KIAA2012: variants seen among roughly 807,000 people sequenced by gnomAD.
KIAA2012 encodes the protein uncharacterized protein KIAA2012.
Under a neutral mutation model 150.6 loss-of-function variants are expected in KIAA2012, and 125 were observed. That is an observed-to-expected ratio of 0.83 (90% CI 0.72 to 0.96). The LOEUF (loss-of-function observed/expected upper bound fraction) is 0.96, where lower values mean the gene tolerates loss of function less well. KIAA2012 is among the 40% of genes least tolerant of loss of function. The probability of loss-of-function intolerance (pLI) is 0.00; values close to 1 mark genes in which losing one functional copy is unlikely to be tolerated. For missense variants in KIAA2012, 1,219 were observed against 1,354.9 expected, an observed-to-expected ratio of 0.90 and a Z score of 1.57; for synonymous variants, 462 against 504.7, an observed-to-expected ratio of 0.92 and a Z score of 1.13.
At chr2:202,128,101 C>G (rs1454242445) in intron 12 of KIAA2012, among the ~76,000 whole-genome samples, 1 of 152,012 alleles carries the variant, frequency 6.6e-6, no homozygotes, top group Non-Finnish European at 1.5e-5. Flanking sequence ...AAAGGTTTTT[C>G]CACTTTCCCC....
intron 2 of KIAA2012, among the ~76,000 whole-genome samples, chr2:202,080,552 C>T (rs1689425862): frequency 6.6e-6 from 1 of 151,910 alleles, no homozygotes. Flanking sequence ...AAAAATTAGC[C>T]AGGCGTGGTG....
chr2:202,100,593 G>C, intron 7 of KIAA2012, 144 bp downstream of exon 7: 1 of 919,992 alleles, frequency 1.1e-6, no homozygotes, highest in Non-Finnish European at 1.6e-6. Context: ...CTGACCAGGT[G>C]GAGCTGAATA....
Position 202,162,630 on chromosome 2 carries a change from A to G in KIAA2012, c.2047-2654A>G, listed in dbSNP as rs566302149. 2.0e-5 allele frequency among the ~76,000 whole-genome samples: 3 copies of G among 147,176 alleles called. No homozygotes were observed. The East Asian group carries it at 6.1e-4, about 30-fold the overall frequency. ...TACTACATCTTGCAGTTCTACGTTA[A>G]TTCATAAAGAGATGCTTGTAGGCCA... On this transcript the variant is annotated intron_variant, in intron 14 of 23. Coordinates refer to ENST00000498697, the MANE Select transcript of KIAA2012 (RefSeq NM_001277372.4).
intron 2 of KIAA2012, among the ~76,000 whole-genome samples, chr2:202,075,670 A>G (rs1689309702): frequency 6.6e-6 from 1 of 152,212 alleles, no homozygotes; most frequent in Non-Finnish European, 1.5e-5. Flanking sequence ...ATATTAAGGG[A>G]AAACACCTGT....
intron 15 of KIAA2012, among the ~76,000 whole-genome samples, chr2:202,168,898 T>C (rs1232813903): frequency 6.6e-6 from 1 of 152,174 alleles, no homozygotes; most frequent in East Asian, 1.9e-4. Context: ...ATTTCCATCA[T>C]TTCTGTTCTG....
intron 16 of KIAA2012, 131 bp from the exon 17 acceptor site, chr2:202,186,802 G>A: frequency 1.3e-6 from 1 of 786,764 alleles, no homozygotes; most frequent in Non-Finnish European, 1.9e-6. Context: ...AAGAAAAAGA[G>A]TTGACTAAGT....
At position 202,122,498 on chromosome 2, in the gene KIAA2012, CTT is replaced by C. The variant is rs368758133; in HGVS notation, c.1763-2699_1763-2698del. Reference sequence around the variant, plus strand: ...CTCCAATCTTCTACTCAAATCCGCTCTTTTTTTTTTTTTTTTTTGGAGACTGA... The same window carrying C: ...CTCCAATCTTCTACTCAAATCCGCTCTTTTTTTTTTTTTTTTGGAGACTGA... On this transcript the variant is annotated intron_variant, in intron 11 of 23. Transcript: ENST00000498697. Among the ~76,000 whole-genome samples the C allele has an allele frequency of 4.3e-3, 514 of 119,124 alleles. 5 individuals carry two copies. The highest frequency in any genetic ancestry group is 0.014 in the African/African-American group (389 of 27,726). The allele number at this position is 119,124 out of a possible 152,430, so 78.1% of individuals were successfully genotyped here.
chr2:202,187,058 C>A lies in KIAA2012; in HGVS notation c.2336C>A (p.Pro779Gln). 6.4e-7 allele frequency: 1 copy of A among 1,550,546 alleles called. No homozygotes were observed. The highest frequency in any genetic ancestry group is 8.7e-7 in the Non-Finnish European group (1 of 1,146,992). The change falls in exon 17 of 24, where the codon CCA (proline) becomes CAA (glutamine). Residue 779 changes from proline to glutamine, a missense_variant. Pro to Gln is a moderately conservative substitution (Grantham distance 76). Coordinates refer to ENST00000498697, the MANE Select transcript of KIAA2012 (RefSeq NM_001277372.4). ...LPREREGKAEPRLFSQETSAN... is the reference protein window; with the variant it reads ...LPREREGKAEQRLFSQETSAN... ...AGAGAAAGAGAAGGGAAGGCTGAAC[C>A]AAGACTGTTTAGCCAGGAGACATCA...
chr2:202,165,853 T>C (rs1007142890), intron 15 of KIAA2012, among the ~76,000 whole-genome samples: 1 of 152,256 alleles, frequency 6.6e-6, no homozygotes, highest in African/African-American at 2.4e-5. Context: ...ATACTAATTT[T>C]ACAAGAGCTT....
At chr2:202,160,298 G>A (rs1691621334) in intron 14 of KIAA2012, among the ~76,000 whole-genome samples, 1 of 146,760 alleles carries the variant, frequency 6.8e-6, no homozygotes, top group Non-Finnish European at 1.5e-5. Context: ...GATACTTTAT[G>A]ATTTTTCATA....
intron 14 of KIAA2012, 105 bp from the exon 15 acceptor site, chr2:202,165,179 G>A (rs111982613): frequency 1.4e-4 from 153 of 1,070,100 alleles, no homozygotes; most frequent in Middle Eastern, 2.1e-4. Flanking sequence ...AAACCACTAA[G>A]AAAACTGGCT....
At position 202,103,131 on chromosome 2, in the gene KIAA2012, T is replaced by C. The variant is rs535183820; in HGVS notation, c.1324+17T>C. ...ACAGAAGAGGTAGGTCCCGGGTGCA[T>C]GGGCACTCCTGAGGGAGAGCCTGGG... On this transcript the variant is annotated intron_variant, in intron 8 of 23. Coordinates refer to ENST00000498697, the MANE Select transcript of KIAA2012 (RefSeq NM_001277372.4). 36 of 1,549,456 alleles carry C rather than the reference T, an allele frequency of 2.3e-5. No individual in the cohort carries two copies. The East Asian group carries it at 8.6e-4, about 37-fold the overall frequency.
intron 21 of KIAA2012, among the ~76,000 whole-genome samples, chr2:202,195,063 C>T (rs1285485541): frequency 6.6e-6 from 1 of 151,972 alleles, no homozygotes; most frequent in African/African-American, 2.4e-5. Flanking sequence ...CCACCGTGCT[C>T]AGCCCAATTA....
intron 21 of KIAA2012, among the ~76,000 whole-genome samples, chr2:202,196,104 C>A (rs1404411480): frequency 6.7e-6 from 1 of 150,084 alleles, no homozygotes; most frequent in Non-Finnish European, 1.5e-5. Flanking sequence ...CTTCAGCAGA[C>A]AAAACTGTGG....
chr2:202,094,306 C>T (rs1364379618), intron 4 of KIAA2012, among the ~76,000 whole-genome samples: 4 of 152,052 alleles, frequency 2.6e-5, no homozygotes, highest in Non-Finnish European at 4.4e-5. Flanking sequence ...ATGAAATTTT[C>T]CAGAAACAGT....
Position 202,096,915 on chromosome 2 carries a change from A to G in KIAA2012, c.686-520A>G, listed in dbSNP as rs1464839528. ...GCAGACAGGATAAGTTCAGAGAGCT[A>G]AACAGCAGTCTTACCTCAGTGCATT... is the stretch of plus-strand genomic sequence containing the variant. On this transcript the variant is annotated intron_variant, in intron 4 of 23. Coordinates refer to ENST00000498697, the MANE Select transcript of KIAA2012 (RefSeq NM_001277372.4). 2.0e-5 allele frequency among the ~76,000 whole-genome samples: 3 copies of G among 152,230 alleles called. No individual in the cohort carries two copies. The East Asian group carries it at 5.8e-4, about 29-fold the overall frequency.
At chr2:202,196,199 T>C (rs1574317987) in intron 21 of KIAA2012, among the ~76,000 whole-genome samples, 2 of 134,214 alleles carry the variant, frequency 1.5e-5, no homozygotes, top group African/African-American at 5.6e-5. Context: ...TTTTTTTTTT[T>C]TTTTTTTTTT....
intron 11 of KIAA2012, among the ~76,000 whole-genome samples, chr2:202,124,638 C>G (rs1355150991): frequency 2.0e-5 from 3 of 152,184 alleles, no homozygotes; most frequent in Admixed American, 6.5e-5. Context: ...GTCAAAAGTT[C>G]TTCTTACAGA....
At chr2:202,169,977 G>A (rs965109340) in intron 15 of KIAA2012, among the ~76,000 whole-genome samples, 3 of 152,170 alleles carry the variant, frequency 2.0e-5, no homozygotes, top group African/African-American at 2.4e-5. Context: ...TCTATGAGTC[G>A]CTCAGGCTTG....
Sources: allele counts gnomAD v4.1 joint callset (sites outside exome capture counted in the v4.1 genomes callset), GRCh38; gene constraint gnomAD v4.1.1; transcripts MANE v1.5; gene names NCBI Gene and HGNC (gene_info 2026-07-23, HGNC 2026-07-21).